MMP15: variants seen among roughly 807,000 people sequenced by gnomAD.
MMP15 encodes matrix metallopeptidase 15.
A neutral mutation model predicts 65.0 loss-of-function variants in MMP15; 36 were observed. The observed-to-expected ratio is 0.55, with a 90% CI of 0.42 to 0.73. MMP15 has a LOEUF of 0.73. MMP15 is among the 30% of genes least tolerant of loss of function. The pLI, the probability that MMP15 is intolerant of heterozygous loss-of-function variation, is 0.00. For missense variants in MMP15, 870 were observed against 987.8 expected, an observed-to-expected ratio of 0.88 and a Z score of 1.60; for synonymous variants, 428 against 410.2, an observed-to-expected ratio of 1.04 and a Z score of -0.52.
chr16:58,040,493 A>C, intron 4 of MMP15, 44 bp from the exon 5 acceptor site: 1 of 1,597,918 alleles, frequency 6.3e-7, no homozygotes, highest in African/African-American at 1.3e-5. Flanking sequence ...GGGTCCTGGG[A>C]CTGGCCACAG....
rs1197238312 is a variant in MMP15 at position 58,045,238 on chromosome 16, T to C, written c.1802T>C (p.Phe601Ser). 3 of 1,604,542 alleles carry C rather than the reference T, an allele frequency of 1.9e-6. No homozygotes were observed. Among genetic ancestry groups the C allele is most frequent in the Non-Finnish European group, 1.7e-6 (2 of 1,176,826 alleles). Reference protein sequence around the residue: ...EGDVGDGDGDFGAGVNKDGGS... With the variant: ...EGDVGDGDGDSGAGVNKDGGS... ...GACGTGGGGGATGGGGATGGGGACT[T>C]TGGGGCCGGGGTCAACAAGGACGGG... The change falls in exon 10 of 10, where the codon TTT (phenylalanine) becomes TCT (serine). Residue 601 changes from phenylalanine (F) to serine (S), a missense_variant. By Grantham distance (155) the Phe-to-Ser change is radical. Transcript: ENST00000219271.
intron 9 of MMP15, among the ~76,000 whole-genome samples, chr16:58,044,380 A>T (rs1959513035): frequency 6.6e-6 from 1 of 152,192 alleles, no homozygotes; most frequent in Non-Finnish European, 1.5e-5. Flanking sequence ...CTGGGAGGTC[A>T]AGGCTGCAGT....
rs752159507 is a variant in MMP15, at chr16:58,041,727, G to A, written c.1021G>A (p.Gly341Ser). Residue 341 changes from glycine (G) to serine (S), a missense_variant, in exon 6 of 10, where the codon GGT (glycine) becomes AGT (serine). Coordinates refer to ENST00000219271, the MANE Select transcript of MMP15 (RefSeq NM_002428.4). The part of the protein sequence containing the change: ...PPRPPQPPPP[G>S]GKPERPPKPG... ...CCGGCCTCCCCAGCCACCACCCCCA[G>A]GTGGGAAGCCAGAGCGGCCCCCAAA... 6.9e-6 allele frequency: 11 copies of A among 1,591,984 alleles called. No homozygotes were observed. In the Admixed American group the frequency reaches 1.9e-4, roughly 28 times the overall value.
chr16:58,030,083 A>T (rs1054743199), intron 1 of MMP15, among the ~76,000 whole-genome samples: 2 of 152,108 alleles, frequency 1.3e-5, no homozygotes, highest in Non-Finnish European at 2.9e-5. Flanking sequence ...GGTATCCTCC[A>T]TATCATCCCA....
At chr16:58,040,932 T>C (rs1959439060) in intron 5 of MMP15, 1 of 624,966 alleles carries the variant, frequency 1.6e-6, no homozygotes, top group Non-Finnish European at 2.9e-6. Flanking sequence ...CTAGAGGCCT[T>C]GAAGGGACAC....
intron 1 of MMP15, among the ~76,000 whole-genome samples, chr16:58,029,196 G>GGGGGCGTT (rs1963864415): frequency 6.6e-6 from 1 of 152,232 alleles, no homozygotes; most frequent in Non-Finnish European, 1.5e-5. Flanking sequence ...CAGCGGGGGT[G>GGGGGCGTT]GGGGCGTTGG....
chr16:58,039,847 C>T (rs745633407), intron 3 of MMP15, 28 bp from the exon 4 acceptor site: 15 of 1,568,924 alleles, frequency 9.6e-6, no homozygotes, highest in Middle Eastern at 1.7e-4. Context: ...GCCCTGCATC[C>T]GCTCACTCAT....
At chr16:58,035,138 C>T (rs1020987228) in intron 1 of MMP15, among the ~76,000 whole-genome samples, 4 of 152,240 alleles carry the variant, frequency 2.6e-5, no homozygotes, top group African/African-American at 4.8e-5. Context: ...GCCTCGCCTT[C>T]TAGATCTCCC....
At chr16:58,034,193 G>A (rs983234156) in intron 1 of MMP15, among the ~76,000 whole-genome samples, 1 of 152,224 alleles carries the variant, frequency 6.6e-6, no homozygotes, top group Non-Finnish European at 1.5e-5. Context: ...CCTTGTATTA[G>A]GGACAGTTTT....
At position 58,041,787 on chromosome 16, in the gene MMP15, C is replaced by A; in HGVS notation, c.1081C>A (p.Arg361=). 1 of 1,611,256 alleles carries A rather than the reference C, an allele frequency of 6.2e-7. No homozygotes were observed. Among genetic ancestry groups the A allele is most frequent in the South Asian group, 1.1e-5 (1 of 90,558 alleles). The change falls in exon 6 of 10, where the codon CGG becomes AGG. Residue 361 remains arginine (R), a synonymous_variant. Transcript: ENST00000219271. The part of the protein sequence containing the change: ...GPPVQPRATE[R]PDQYGPNICD... ...CCCAGTCCAGCCCCGAGCCACAGAGCGGCCCGACCAGTATGGCCCCAACAT... is the reference window on the plus strand; with the variant it reads ...CCCAGTCCAGCCCCGAGCCACAGAGAGGCCCGACCAGTATGGCCCCAACAT...
intron 7 of MMP15, 67 bp downstream of exon 7, chr16:58,042,436 G>T: frequency 6.3e-7 from 1 of 1,576,620 alleles, no homozygotes; most frequent in African/African-American, 1.3e-5. Flanking sequence ...TGCTGGATCT[G>T]AGAGAAGAGG....
At chr16:58,036,396 G>A (rs907323994) in intron 1 of MMP15, among the ~76,000 whole-genome samples, 3 of 152,188 alleles carry the variant, frequency 2.0e-5, no homozygotes, top group Non-Finnish European at 4.4e-5. Flanking sequence ...CAGGGAGACT[G>A]TAAGTTCCTG....
intron 1 of MMP15, among the ~76,000 whole-genome samples, chr16:58,027,264 C>T (rs1432341573): frequency 2.0e-5 from 3 of 152,240 alleles, no homozygotes; most frequent in East Asian, 3.9e-4. Context: ...CTTGGCGTCC[C>T]TCCCGGGGCC....
At position 58,038,293 on chromosome 16, in the gene MMP15, G is replaced by A; in HGVS notation, c.339G>A (p.Val113=). 6.2e-7 allele frequency: 1 copy of A among 1,614,030 alleles called. No homozygotes were observed. The highest frequency in any genetic ancestry group is 8.5e-7 in the Non-Finnish European group (1 of 1,180,018). Residue 113 remains valine, a synonymous_variant, in exon 3 of 10, where the codon GTG becomes GTA. Transcript: ENST00000219271. ...GGATGAAGCGGCCCCGCTGTGGGGT[G>A]CCAGACCAGTTCGGGGTACGAGTGA... The part of the protein sequence containing the change: ...KEWMKRPRCG[V]PDQFGVRVKA...
chr16:58,042,215 A>G lies in MMP15; in HGVS notation c.1165-16A>G. 4 of 1,610,980 alleles carry G rather than the reference A, an allele frequency of 2.5e-6. No individual in the cohort carries two copies. The highest frequency in any genetic ancestry group is 4.5e-5 in the East Asian group (2 of 44,830). ...CAGCTTGCCTGCGCTGCCCGCTCAC[A>G]CTATGCCCTCCCCAGGGCCGCTGGT... On this transcript the variant is annotated splice_polypyrimidine_tract_variant and intron_variant, in intron 6 of 9. Transcript: ENST00000219271.
intron 9 of MMP15, 50 bp downstream of exon 9, chr16:58,043,677 A>G: frequency 7.4e-7 from 1 of 1,353,030 alleles, no homozygotes; most frequent in Non-Finnish European, 1.0e-6. Flanking sequence ...ATCCCCTGCT[A>G]CACACACCAC....
chr16:58,044,406 C>G (rs543628926), intron 9 of MMP15, among the ~76,000 whole-genome samples: 2 of 152,298 alleles, frequency 1.3e-5, no homozygotes, highest in African/African-American at 4.8e-5. Context: ...GTGATCGCGC[C>G]ACTATACTCC....
At chr16:58,026,576 G>C in intron 1 of MMP15, 64 bp downstream of exon 1, 1 of 1,276,656 alleles carries the variant, frequency 7.8e-7, no homozygotes, top group South Asian at 2.4e-5. Flanking sequence ...CGCCACGTCC[G>C]CAGGCTGGGA....
rs1473410313 is a variant in MMP15 at position 58,037,627 on chromosome 16, T to C, written c.311+7T>C. The stretch of plus-strand genomic sequence containing the variant: ...TCGACGAAGAGACCAAGGAGTGAGT[T>C]CCCCCCACCATCCACACCCCACAGG... On this transcript the variant is annotated splice_region_variant and intron_variant, in intron 2 of 9. Transcript: ENST00000219271. 4.3e-6 allele frequency: 7 copies of C among 1,613,498 alleles called. No homozygotes were observed. Among genetic ancestry groups the C allele is most frequent in the African/African-American group, 2.7e-5 (2 of 74,768 alleles).
Sources: allele counts gnomAD v4.1 joint callset (sites outside exome capture counted in the v4.1 genomes callset), GRCh38; gene constraint gnomAD v4.1.1; transcripts MANE v1.5; gene names NCBI Gene and HGNC (gene_info 2026-07-23, HGNC 2026-07-21).